Variants in TAOK1 observed in about 807,000 individuals in gnomAD.
The protein encoded by TAOK1 is serine/threonine-protein kinase TAO1.
In TAOK1, 21 loss-of-function variants were observed where a neutral mutation model predicts 138.3. The ratio of observed to expected loss-of-function variants is 0.15; its 90% CI spans 0.11 to 0.22. The LOEUF (loss-of-function observed/expected upper bound fraction) is 0.22, where lower values mean the gene tolerates loss of function less well. Among genes scored for constraint, TAOK1 ranks in the 10% least tolerant of loss-of-function variants. TAOK1 has a pLI of 1.00. For synonymous variants in TAOK1, 361 were observed against 398.4 expected (o/e 0.91, Z 1.12); for missense variants, 651 against 1,227.7 (o/e 0.53, Z 7.02).
chr17:29,503,085 T>G (rs987294014), intron 13 of TAOK1, among the ~76,000 whole-genome samples: 8 of 152,024 alleles, frequency 5.3e-5, no homozygotes, highest in African/African-American at 1.9e-4. Context: ...AGAGGAGAAA[T>G]GAATGGTATT....
intron 1 of TAOK1, among the ~76,000 whole-genome samples, chr17:29,418,820 A>G (rs367590180): frequency 6.6e-6 from 1 of 152,140 alleles, no homozygotes; most frequent in Non-Finnish European, 1.5e-5. Flanking sequence ...TGAATCCAGG[A>G]ACGTGGAACT....
chr17:29,538,307 CTG>C (rs1191437807), intron 19 of TAOK1, among the ~76,000 whole-genome samples: 7 of 151,968 alleles, frequency 4.6e-5, no homozygotes, highest in Non-Finnish European at 1.0e-4. Flanking sequence ...ATTTTTTTCT[CTG>C]TTTCTTTTTT....
At chr17:29,419,228 C>T (rs1020180218) in intron 1 of TAOK1, among the ~76,000 whole-genome samples, 4 of 151,566 alleles carry the variant, frequency 2.6e-5, no homozygotes, top group South Asian at 2.1e-4. Flanking sequence ...TGGAGTTTCA[C>T]GCTTATTGAC....
intron 5 of TAOK1, 40 bp from the exon 6 acceptor site, chr17:29,478,211 A>C (rs1421366961): frequency 6.7e-7 from 1 of 1,491,854 alleles, no homozygotes; most frequent in East Asian, 2.3e-5. Flanking sequence ...TTTTTAACAA[A>C]AATGTTCTGT....
chr17:29,474,557 G>A (rs1474234117), intron 3 of TAOK1, among the ~76,000 whole-genome samples: 2 of 152,172 alleles, frequency 1.3e-5, no homozygotes, highest in East Asian at 3.8e-4. Flanking sequence ...CAAGGAAAGG[G>A]AGACAGACTG....
chr17:29,505,959 C>T (rs1567738074), intron 13 of TAOK1, among the ~76,000 whole-genome samples: 2 of 152,048 alleles, frequency 1.3e-5, no homozygotes, highest in South Asian at 2.1e-4. Context: ...ACGTTATCAA[C>T]AAGATGAAAG....
chr17:29,411,943 T>C (rs955978173), intron 1 of TAOK1, among the ~76,000 whole-genome samples: 1 of 152,190 alleles, frequency 6.6e-6, no homozygotes, highest in Non-Finnish European at 1.5e-5. Context: ...TTTATTGTTT[T>C]TTAAGATTAT....
chr17:29,494,026 C>T (rs575971653), intron 10 of TAOK1, among the ~76,000 whole-genome samples: 8 of 152,100 alleles, frequency 5.3e-5, no homozygotes, highest in African/African-American at 9.6e-5. Flanking sequence ...AAGTGATTCT[C>T]GTGCCTCAGC....
chr17:29,460,993 T>A (rs1204851715), intron 2 of TAOK1, among the ~76,000 whole-genome samples: 1 of 152,206 alleles, frequency 6.6e-6, no homozygotes, highest in East Asian at 1.9e-4. Flanking sequence ...TGCACCTCCT[T>A]ATGTAATAAT....
chr17:29,400,435 C>T (rs899348565), intron 1 of TAOK1, among the ~76,000 whole-genome samples: 2 of 150,122 alleles, frequency 1.3e-5, no homozygotes, highest in Non-Finnish European at 3.0e-5. Context: ...TTTTCCAGTA[C>T]TTACTTTGTT....
intron 8 of TAOK1, among the ~76,000 whole-genome samples, chr17:29,485,199 G>T (rs1386294588): frequency 6.6e-6 from 1 of 151,968 alleles, no homozygotes; most frequent in Admixed American, 6.6e-5. Flanking sequence ...TTAATCTGAT[G>T]AAAATTCTTA....
At chr17:29,449,414 T>G (rs2030176385) in intron 1 of TAOK1, among the ~76,000 whole-genome samples, 1 of 152,172 alleles carries the variant, frequency 6.6e-6, no homozygotes, top group Non-Finnish European at 1.5e-5. Context: ...TATTGCAGTG[T>G]GGTGTTAATT....
intron 13 of TAOK1, among the ~76,000 whole-genome samples, chr17:29,504,395 C>T (rs558029500): frequency 2.6e-5 from 4 of 151,224 alleles, no homozygotes; most frequent in East Asian, 3.9e-4. Flanking sequence ...TGAGGCCAGG[C>T]GTGGTGGCTC....
chr17:29,524,486 A>G (rs956194254), intron 17 of TAOK1, among the ~76,000 whole-genome samples: 3 of 152,228 alleles, frequency 2.0e-5, no homozygotes, highest in Non-Finnish European at 4.4e-5. Context: ...TCTCTCAGAT[A>G]GTACGTTAAA....
chr17:29,405,292 C>G (rs569215392), intron 1 of TAOK1, among the ~76,000 whole-genome samples: 5 of 152,102 alleles, frequency 3.3e-5, no homozygotes, highest in African/African-American at 1.2e-4. Context: ...CCTGCTGAAA[C>G]AGTGTCCTTT....
At chr17:29,521,772 C>T (rs1341875225) in intron 16 of TAOK1, among the ~76,000 whole-genome samples, 2 of 152,136 alleles carry the variant, frequency 1.3e-5, no homozygotes, top group Admixed American at 6.6e-5. Flanking sequence ...TTAGTAGAGA[C>T]GGGATTTCAC....
chr17:29,512,981 CCG>C, intron 15 of TAOK1: 1 of 151,924 alleles, frequency 6.6e-6, no homozygotes, highest in Admixed American at 6.6e-5. Flanking sequence ...CATGCCTGGC[CCG>C]ACAACTTCTT....
intron 4 of TAOK1, among the ~76,000 whole-genome samples, chr17:29,476,207 T>C (rs1349132110): frequency 2.0e-5 from 3 of 152,222 alleles, no homozygotes; most frequent in African/African-American, 7.2e-5. Context: ...ACACTAAAGA[T>C]AGAGAATTGT....
intron 2 of TAOK1, among the ~76,000 whole-genome samples, chr17:29,453,593 T>C (rs563147470): frequency 6.6e-6 from 1 of 150,790 alleles, no homozygotes; most frequent in African/African-American, 2.4e-5. Context: ...TTTTGTTGTT[T>C]TGAGACAGAG....
Sources: gnomAD v4.1 joint callset for allele counts (sites outside exome capture counted in the v4.1 genomes callset) on GRCh38, gnomAD v4.1.1 for gene constraint, MANE v1.5 for transcripts, NCBI Gene and HGNC (gene_info 2026-07-23, HGNC 2026-07-21) for gene names.